COL21A1: variants seen among roughly 807,000 people sequenced by gnomAD.
COL21A1 encodes the protein collagen alpha-1(XXI) chain.
In COL21A1, 149 loss-of-function variants were observed where a neutral mutation model predicts 137.9. That is an observed-to-expected ratio of 1.08 (90% CI 0.95 to 1.24). The LOEUF is 1.24. Ranked by LOEUF, COL21A1 falls within the 50% of genes most tolerant of loss-of-function variation. The pLI, the probability that COL21A1 is intolerant of heterozygous loss-of-function variation, is 0.00. For missense variants in COL21A1, 1,167 were observed against 1,158.4 expected (o/e 1.01, Z -0.11); for synonymous variants, 456 against 391.5 (o/e 1.16, Z -1.95).
chr6:56,350,515 T>C (rs879811752), intron 1 of COL21A1, among the ~76,000 whole-genome samples: 1 of 152,220 alleles, frequency 6.6e-6, no homozygotes, highest in Non-Finnish European at 1.5e-5. Flanking sequence ...AAGCAGTGTT[T>C]ACTAAATGAA....
rs536488199 is a variant in COL21A1, at chr6:56,096,513, C to A, written c.1812+4959G>T. Reference sequence around the variant, plus strand: ...ATTGAAGTTAATTAGGTATAATTTACTACTTAGAAAGTAAATTACTTTTAG... The same window carrying A: ...ATTGAAGTTAATTAGGTATAATTTAATACTTAGAAAGTAAATTACTTTTAG... On this transcript the variant is annotated intron_variant, in intron 17 of 29. Transcript: ENST00000244728. Among the ~76,000 whole-genome samples the A allele has an allele frequency of 1.3e-4, 20 of 152,292 alleles. No individual in the cohort carries two copies. In the East Asian group the frequency reaches 3.8e-3, roughly 29 times the overall value.
Position 56,097,926 on chromosome 6 carries a change from T to TAAATATATAAAAATATATATAAATATAA in COL21A1, c.1812+3518_1812+3545dup, listed in dbSNP as rs1562188648. 4.1e-4 allele frequency among the ~76,000 whole-genome samples: 39 copies of TAAATATATAAAAATATATATAAATATAA among 96,056 alleles called. 2 individuals are homozygous for TAAATATATAAAAATATATATAAATATAA. Among genetic ancestry groups the TAAATATATAAAAATATATATAAATATAA allele is most frequent in the Middle Eastern group, 5.0e-3 (1 of 200 alleles). 63.0% of individuals were successfully genotyped at this position (96,056 alleles called of 152,430 possible). A position where few individuals can be genotyped will look rare whatever the true frequency, so the allele number is the denominator to read the frequency against. On this transcript the variant is annotated intron_variant, in intron 17 of 29. Transcript: ENST00000244728. Reference sequence around the variant, plus strand: ...AAATATATAAATATATATAAATATATAAATATATAAAAATATATATAAATA... The same window carrying TAAATATATAAAAATATATATAAATATAA: ...AAATATATAAATATATATAAATATATAAATATATAAAAATATATATAAATATAAAAATATATAAAAATATATATAAATA...
chr6:56,087,806 G>A (rs961481587), intron 17 of COL21A1, among the ~76,000 whole-genome samples: 2 of 151,988 alleles, frequency 1.3e-5, no homozygotes, highest in African/African-American at 4.8e-5. Flanking sequence ...TCCAGAGTAG[G>A]ACAATTCTAT....
intron 1 of COL21A1, among the ~76,000 whole-genome samples, chr6:56,365,870 T>C (rs966343195): frequency 6.6e-6 from 1 of 152,160 alleles, no homozygotes; most frequent in South Asian, 2.1e-4. Context: ...TAGCCCCTTA[T>C]AGATTAAGAT....
chr6:56,293,054 A>T (rs1764088637), intron 1 of COL21A1, among the ~76,000 whole-genome samples: 1 of 152,210 alleles, frequency 6.6e-6, no homozygotes, highest in Admixed American at 6.5e-5. Context: ...ATATTTTTCA[A>T]ATCTAGGAAG....
rs578057592 is a variant in COL21A1, at chr6:56,090,271, AT to A, written c.1812+11200del. Among the ~76,000 whole-genome samples the A allele has an allele frequency of 8.9e-4, 136 of 152,322 alleles. 1 individual carries two copies. Among genetic ancestry groups the A allele is most frequent in the Middle Eastern group, 3.4e-3 (1 of 294 alleles). On this transcript the variant is annotated intron_variant, in intron 17 of 29. Coordinates refer to ENST00000244728, the MANE Select transcript of COL21A1 (RefSeq NM_030820.4). ...AGATTTCTTAGAACAACACAAAAAA[AT>A]GATCAGTGCCGTAGACACAGAGCTT... is the stretch of plus-strand genomic sequence containing the variant.
chr6:56,380,544 G>T (rs1339823652), intron 1 of COL21A1, among the ~76,000 whole-genome samples: 1 of 151,912 alleles, frequency 6.6e-6, no homozygotes, highest in East Asian at 1.9e-4. Flanking sequence ...ATACTCACAG[G>T]GCCTTCGTGG....
At chr6:56,197,543 A>G (rs1200892237) in intron 1 of COL21A1, among the ~76,000 whole-genome samples, 1 of 152,152 alleles carries the variant, frequency 6.6e-6, no homozygotes, top group African/African-American at 2.4e-5. Flanking sequence ...GGATAGGCAA[A>G]TGATGTAAAT....
chr6:56,328,793 A>C (rs1322947987), intron 1 of COL21A1, among the ~76,000 whole-genome samples: 1 of 152,112 alleles, frequency 6.6e-6, no homozygotes, highest in Non-Finnish European at 1.5e-5. Flanking sequence ...TCGAAATAGC[A>C]GACAGGGAGA....
chr6:56,314,360 G>T (rs184937174), intron 1 of COL21A1, among the ~76,000 whole-genome samples: 43 of 152,310 alleles, frequency 2.8e-4, no homozygotes, highest in Non-Finnish European at 3.4e-4. Flanking sequence ...AAACAAAAGA[G>T]AGATTCATTT....
chr6:56,280,178 T>A (rs1177156886), intron 1 of COL21A1, among the ~76,000 whole-genome samples: 1 of 152,224 alleles, frequency 6.6e-6, no homozygotes, highest in Non-Finnish European at 1.5e-5. Flanking sequence ...CAAGGACTCA[T>A]CTAGGACACC....
chr6:56,247,601 C>T (rs942634277), upstream of COL21A1: 2 of 152,318 alleles, frequency 1.3e-5, no homozygotes, highest in African/African-American at 4.8e-5. Context: ...AGGCGGAGCC[C>T]GGGAGATAAG....
intron 20 of COL21A1, among the ~76,000 whole-genome samples, chr6:56,071,031 TA>T (rs1212195152): frequency 1.3e-5 from 2 of 151,508 alleles, no homozygotes; most frequent in East Asian, 3.9e-4. Flanking sequence ...TTAAAGCTGG[TA>T]GCTTCAAGTA....
At chr6:56,103,233 C>A (rs1770608223) in intron 16 of COL21A1, among the ~76,000 whole-genome samples, 1 of 152,040 alleles carries the variant, frequency 6.6e-6, no homozygotes. Context: ...TGGGTGGGGG[C>A]CAGCAATCTG....
At chr6:56,329,447 C>A (rs1312825174) in intron 1 of COL21A1, among the ~76,000 whole-genome samples, 3 of 151,998 alleles carry the variant, frequency 2.0e-5, no homozygotes, top group African/African-American at 7.2e-5. Context: ...ATCTGTATAA[C>A]CACATTGGAC....
chr6:56,328,681 CAT>C (rs770828600), intron 1 of COL21A1, among the ~76,000 whole-genome samples: 191 of 152,212 alleles, frequency 1.3e-3, no homozygotes, highest in Admixed American at 2.0e-3. Context: ...CATTCACAAA[CAT>C]ATCCAAAACA....
rs958916097 is a variant in COL21A1, at chr6:56,059,177, G to A, written c.2674C>T (p.Pro892Ser). The change falls in exon 29 of 30, where the codon CCT becomes TCT. Residue 892 changes from proline (P) to serine (S), a missense_variant. Pro to Ser is a moderately conservative substitution (Grantham distance 74, BLOSUM62 -1). Coordinates refer to ENST00000244728, the MANE Select transcript of COL21A1 (RefSeq NM_030820.4). Reference sequence around the variant, plus strand: ...TAGCAATTCTCACCTGGGGGACCAGGAGGACCTTGTTCTCCAGGATACCCA... The same window carrying A: ...TAGCAATTCTCACCTGGGGGACCAGAAGGACCTTGTTCTCCAGGATACCCA... ...GFGYPGEQGP[P>S]GPPGPEGPPG... 6.2e-7 allele frequency: 1 copy of A among 1,612,376 alleles called. No individual in the cohort carries two copies. The highest frequency in any genetic ancestry group is 1.3e-5 in the African/African-American group (1 of 74,960).
chr6:56,120,271 T>C (rs571094759), intron 16 of COL21A1, among the ~76,000 whole-genome samples: 1 of 152,214 alleles, frequency 6.6e-6, no homozygotes, highest in South Asian at 2.1e-4. Flanking sequence ...AAAGAAGACA[T>C]ACAAATGGCA....
chr6:56,183,063 G>T (rs9475593), intron 1 of COL21A1, among the ~76,000 whole-genome samples: 100,291 of 152,056 alleles, frequency 0.66, 33,441 homozygotes, highest in East Asian at 0.86. Flanking sequence ...GTGAAAATAT[G>T]TCTAAGATAC....
Sources: allele counts gnomAD v4.1 joint callset (sites outside exome capture counted in the v4.1 genomes callset), GRCh38; gene constraint gnomAD v4.1.1; transcripts MANE v1.5; gene names NCBI Gene and HGNC (gene_info 2026-07-23, HGNC 2026-07-21).